The following MYO3A variants were observed in gnomAD, a reference collection of about 807,000 sequenced individuals.
The protein encoded by MYO3A is myosin-IIIa.
In MYO3A, 180 loss-of-function variants were observed where a neutral mutation model predicts 192.7. That is an observed-to-expected ratio of 0.93 (90% CI 0.83 to 1.06). The LOEUF (loss-of-function observed/expected upper bound fraction) is 1.06. Among genes scored for constraint, MYO3A ranks in the 50% least tolerant of loss-of-function variants. The pLI, the probability that MYO3A is intolerant of heterozygous loss-of-function variation, is 0.00. For synonymous variants in MYO3A, 628 were observed against 645.3 expected (o/e 0.97, Z 0.41); for missense variants, 1,896 against 1,905.0 (o/e 1.00, Z 0.09).
intron 19 of MYO3A, among the ~76,000 whole-genome samples, chr10:26,127,621 T>C (rs1488377461): frequency 6.6e-6 from 1 of 152,098 alleles, no homozygotes; most frequent in Non-Finnish European, 1.5e-5. Flanking sequence ...CCTTACATAA[T>C]ACTAAGTGTA....
intron 17 of MYO3A, among the ~76,000 whole-genome samples, chr10:26,103,898 G>A (rs546907790): frequency 1.3e-4 from 20 of 152,182 alleles, no homozygotes; most frequent in African/African-American, 4.8e-4. Context: ...TGAATGTGAA[G>A]TGGTATCACA....
chr10:26,161,227 A>T (rs1216074933), intron 26 of MYO3A, among the ~76,000 whole-genome samples: 2 of 151,422 alleles, frequency 1.3e-5, no homozygotes, highest in East Asian at 3.9e-4. Context: ...TGGGGGTGTA[A>T]ATAGAACTGC....
chr10:26,208,244 C>A (rs572722507), intron 34 of MYO3A, among the ~76,000 whole-genome samples: 2 of 151,974 alleles, frequency 1.3e-5, no homozygotes, highest in Admixed American at 1.3e-4. Context: ...GTGTTTAGGG[C>A]ATAAGCAGGT....
chr10:25,977,244 C>T (rs1431900407), intron 4 of MYO3A, among the ~76,000 whole-genome samples: 1 of 152,184 alleles, frequency 6.6e-6, no homozygotes, highest in Non-Finnish European at 1.5e-5. Context: ...TGTCTATTCA[C>T]TTCCTCCTCC....
At position 26,176,814 on chromosome 10, in the gene MYO3A, T is replaced by C. The variant is rs199843655; in HGVS notation, c.4407T>C (p.Asn1469=). The change falls in exon 31 of 35, where the codon AAT becomes AAC. Residue 1469 remains asparagine, a synonymous_variant. Transcript: ENST00000642920. ...GTGTCTCGCACCATAAGCCAATTAATAGACGAGTTTCTTCTCAGCAGTGCC... is the reference window on the plus strand; with the variant it reads ...GTGTCTCGCACCATAAGCCAATTAACAGACGAGTTTCTTCTCAGCAGTGCC... ...YLGVSHHKPI[N]RRVSSQQCLS... is the part of the protein sequence containing the mutation. 241 of 1,614,058 alleles carry C rather than the reference T, an allele frequency of 1.5e-4. No individual in the cohort carries two copies. The highest frequency in any genetic ancestry group is 1.8e-4 in the Non-Finnish European group (215 of 1,180,012).
Position 26,021,485 on chromosome 10 carries a change from G to A in MYO3A, c.586-18G>A. The A allele has an allele frequency of 6.2e-7, 1 of 1,613,184 alleles. No homozygotes were observed. The highest frequency in any genetic ancestry group is 8.5e-7 in the Non-Finnish European group (1 of 1,179,186). ...AAAGTCACAAATTTCACCTTTTGAT[G>A]GTGTGGTTTTCTACTAGGTGATTGC... On this transcript the variant is annotated intron_variant, in intron 7 of 34. Transcript: ENST00000642920.
chr10:26,212,248 C>T lies in MYO3A; in HGVS notation c.*285C>T. 1 of 477,796 alleles carries T rather than the reference C, an allele frequency of 2.1e-6. No individual in the cohort carries two copies. The highest frequency in any genetic ancestry group is 3.7e-6 in the Non-Finnish European group (1 of 270,166). The allele number at this position is 477,796 out of a possible 1,614,324, so 29.6% of individuals were successfully genotyped here. A position where few individuals can be genotyped will look rare whatever the true frequency, so the allele number is the denominator to read the frequency against. On this transcript the variant is annotated 3_prime_UTR_variant, in exon 35 of 35. Coordinates refer to ENST00000642920, the MANE Select transcript of MYO3A (RefSeq NM_017433.5). Reference sequence around the variant, plus strand: ...AGTTGTGGCAACCCTGTCCTTGTTCCCCTAATCTATCACTTTGTTCTTTTT... The same window carrying T: ...AGTTGTGGCAACCCTGTCCTTGTTCTCCTAATCTATCACTTTGTTCTTTTT...
intron 26 of MYO3A, among the ~76,000 whole-genome samples, chr10:26,158,337 C>G (rs1340818992): frequency 6.6e-6 from 1 of 151,626 alleles, no homozygotes; most frequent in African/African-American, 2.4e-5. Context: ...ACTGCAAGCT[C>G]TGCTTCCCAG....
intron 30 of MYO3A, 134 bp downstream of exon 30, chr10:26,174,691 G>T: frequency 1.3e-6 from 1 of 770,136 alleles, no homozygotes; most frequent in Non-Finnish European, 2.1e-6. Flanking sequence ...TTAATAAAAT[G>T]TCTCAGGGAT....
chr10:26,044,252 T>C (rs1358867957), intron 10 of MYO3A, among the ~76,000 whole-genome samples: 1 of 152,208 alleles, frequency 6.6e-6, no homozygotes, highest in East Asian at 1.9e-4. Context: ...AGATTCTGTT[T>C]TGGAGCTGTG....
At chr10:26,205,472 TTTTTTTTG>T (rs1235328960) in intron 34 of MYO3A, among the ~76,000 whole-genome samples, 3 of 146,060 alleles carry the variant, frequency 2.1e-5, no homozygotes, top group Non-Finnish European at 3.0e-5. Context: ...TCTTTTTTTT[TTTTTTTTG>T]GGGGGGGGCT....
At chr10:26,166,921 A>G (rs1841785197) in intron 27 of MYO3A, among the ~76,000 whole-genome samples, 1 of 152,242 alleles carries the variant, frequency 6.6e-6, no homozygotes, top group African/African-American at 2.4e-5. Context: ...AGTAAAAAGC[A>G]TAACCAATCT....
chr10:25,948,043 T>A (rs994115764), intron 2 of MYO3A, among the ~76,000 whole-genome samples: 1 of 152,000 alleles, frequency 6.6e-6, no homozygotes, highest in Non-Finnish European at 1.5e-5. Flanking sequence ...AGACTGGGAT[T>A]GTAAGTAAGA....
At chr10:25,954,812 T>C (rs1338174783) in intron 3 of MYO3A, 62 bp from the exon 4 acceptor site, 2 of 1,514,556 alleles carry the variant, frequency 1.3e-6, no homozygotes, top group African/African-American at 2.7e-5. Flanking sequence ...TTCTATAATC[T>C]GTTTCTTTGA....
chr10:26,209,541 T>C (rs1231060479), intron 34 of MYO3A, among the ~76,000 whole-genome samples: 1 of 152,202 alleles, frequency 6.6e-6, no homozygotes. Flanking sequence ...GACACTGAAA[T>C]TGCCTCTGCC....
At chr10:26,150,748 A>G (rs1016740642) in intron 23 of MYO3A, among the ~76,000 whole-genome samples, 27 of 151,840 alleles carry the variant, frequency 1.8e-4, no homozygotes, top group Non-Finnish European at 3.4e-4. Context: ...AATTTTATTG[A>G]TCTTCTCAAA....
intron 10 of MYO3A, among the ~76,000 whole-genome samples, chr10:26,050,298 A>T (rs1363547973): frequency 1.3e-5 from 2 of 152,194 alleles, no homozygotes; most frequent in African/African-American, 4.8e-5. Context: ...AATCAATGTA[A>T]TAAAAACAAT....
rs189380389 is a variant in MYO3A at position 26,068,017 on chromosome 10, G to A, written c.1054-751G>A. Among the ~76,000 whole-genome samples, 7 of 152,248 alleles carry A rather than the reference G, an allele frequency of 4.6e-5. No homozygotes were observed. The East Asian group carries it at 1.4e-3, about 29-fold the overall frequency. ...TCTTGAAATCAAATCATGTTGGCAA[G>A]TCAGAGATTGCAGCACCTTTCTGAA... On this transcript the variant is annotated intron_variant, in intron 11 of 34. Transcript: ENST00000642920.
intron 4 of MYO3A, among the ~76,000 whole-genome samples, chr10:25,964,339 G>A (rs1838131916): frequency 6.6e-6 from 1 of 152,002 alleles, no homozygotes; most frequent in East Asian, 1.9e-4. Context: ...TCTATTAGGT[G>A]GTAGTCCCAG....
Sources: gnomAD v4.1 joint callset for allele counts (sites outside exome capture counted in the v4.1 genomes callset) on GRCh38, gnomAD v4.1.1 for gene constraint, MANE v1.5 for transcripts, NCBI Gene and HGNC (gene_info 2026-07-23, HGNC 2026-07-21) for gene names.